SORCS3: variants seen among roughly 807,000 people sequenced by gnomAD.
The protein encoded by SORCS3 is VPS10 domain-containing receptor SorCS3.
Under a neutral mutation model 146.3 loss-of-function variants are expected in SORCS3, and 57 were observed. That is an observed-to-expected ratio of 0.39 (90% confidence interval 0.31 to 0.49). The LOEUF is 0.49. Among genes scored for constraint, SORCS3 ranks in the 20% least tolerant of loss-of-function variants. The pLI is 0.92. For synonymous variants in SORCS3, 653 were observed against 618.5 expected (o/e 1.06, Z -0.83); for missense variants, 1,341 against 1,575.5 (o/e 0.85, Z 2.52).
intron 3 of SORCS3, among the ~76,000 whole-genome samples, chr10:104,977,053 G>A (rs1174635130): frequency 6.6e-6 from 1 of 151,246 alleles, no homozygotes; most frequent in Non-Finnish European, 1.5e-5. Flanking sequence ...AAAACTTGAA[G>A]TATAATAATA....
At chr10:104,887,285 G>A (rs1178996242) in intron 2 of SORCS3, among the ~76,000 whole-genome samples, 1 of 152,242 alleles carries the variant, frequency 6.6e-6, no homozygotes, top group East Asian at 1.9e-4. Flanking sequence ...CTGAAAGGAT[G>A]GATAAGAAAG....
intron 4 of SORCS3, among the ~76,000 whole-genome samples, chr10:104,987,641 T>A (rs1437180532): frequency 6.6e-6 from 1 of 152,176 alleles, no homozygotes; most frequent in African/African-American, 2.4e-5. Context: ...TAGGAATATT[T>A]TTTTTTCTCC....
chr10:104,949,097 C>T (rs930034610), intron 3 of SORCS3, among the ~76,000 whole-genome samples: 2 of 152,030 alleles, frequency 1.3e-5, no homozygotes, highest in African/African-American at 4.8e-5. Context: ...GCAATAACCA[C>T]AATTTTTTTT....
chr10:104,852,883 G>C lies in SORCS3; in HGVS notation c.695+10024G>C, dbSNP rs17117755. Reference sequence around the variant, plus strand: ...TTGGGCAATTAACACTGATCTTAGAGAGTGGTTCCACAAGAGAGTGGTCAT... The same window carrying C: ...TTGGGCAATTAACACTGATCTTAGACAGTGGTTCCACAAGAGAGTGGTCAT... On this transcript the variant is annotated intron_variant, in intron 2 of 26. Coordinates refer to ENST00000369701, the MANE Select transcript of SORCS3 (RefSeq NM_014978.3). 5.9e-3 allele frequency among the ~76,000 whole-genome samples: 905 copies of C among 152,316 alleles called. 4 individuals are homozygous for C. The highest frequency in any genetic ancestry group is 0.017 in the Middle Eastern group (5 of 294).
intron 4 of SORCS3, among the ~76,000 whole-genome samples, chr10:104,981,615 TGAA>T (rs1270068618): frequency 1.3e-5 from 2 of 152,206 alleles, no homozygotes; most frequent in Non-Finnish European, 2.9e-5. Flanking sequence ...AGATAGGTTT[TGAA>T]GACAGTGCAA....
intron 1 of SORCS3, among the ~76,000 whole-genome samples, chr10:104,694,090 C>T (rs1004478990): frequency 2.7e-5 from 4 of 150,664 alleles, no homozygotes; most frequent in Non-Finnish European, 4.4e-5. Flanking sequence ...TAGCAAAGCC[C>T]CTCTCCTGTG....
chr10:104,769,575 C>G (rs2017223232), intron 1 of SORCS3, among the ~76,000 whole-genome samples: 1 of 152,132 alleles, frequency 6.6e-6, no homozygotes, highest in Non-Finnish European at 1.5e-5. Context: ...TACCTGCATC[C>G]TGTTCTGGTA....
intron 6 of SORCS3, among the ~76,000 whole-genome samples, chr10:105,097,929 T>C (rs2055757982): frequency 6.6e-6 from 1 of 152,202 alleles, no homozygotes; most frequent in African/African-American, 2.4e-5. Flanking sequence ...CCATAGAACA[T>C]ATGCCACCGT....
At chr10:104,692,842 CTG>C (rs1476836591) in intron 1 of SORCS3, among the ~76,000 whole-genome samples, 1 of 152,212 alleles carries the variant, frequency 6.6e-6, no homozygotes, top group Non-Finnish European at 1.5e-5. Flanking sequence ...TGAGAAAACT[CTG>C]TATCTCTGGG....
intron 16 of SORCS3, among the ~76,000 whole-genome samples, chr10:105,205,534 A>G (rs2056597574): frequency 6.6e-6 from 1 of 152,132 alleles, no homozygotes; most frequent in Non-Finnish European, 1.5e-5. Flanking sequence ...TTGAGAGTAA[A>G]GGTTGTTAGA....
At chr10:105,223,067 T>A in intron 19 of SORCS3, 49 bp from the exon 20 acceptor site, 6 of 1,548,322 alleles carry the variant, frequency 3.9e-6, no homozygotes, top group Non-Finnish European at 5.3e-6. Context: ...TGATACAGTT[T>A]GACCACATCC....
intron 11 of SORCS3, among the ~76,000 whole-genome samples, chr10:105,162,648 A>T (rs529215231): frequency 6.6e-6 from 1 of 152,266 alleles, no homozygotes; most frequent in South Asian, 2.1e-4. Flanking sequence ...ATTTCCACAA[A>T]TAGAGTTCAC....
intron 21 of SORCS3, among the ~76,000 whole-genome samples, chr10:105,246,926 C>T (rs111434402): frequency 9.8e-4 from 150 of 152,326 alleles, no homozygotes; most frequent in African/African-American, 3.0e-3. Flanking sequence ...CAGTAGCAGA[C>T]GTCTCCTTCT....
At chr10:105,248,168 A>G (rs545898359) in intron 22 of SORCS3, among the ~76,000 whole-genome samples, 8 of 152,342 alleles carry the variant, frequency 5.3e-5, no homozygotes, top group African/African-American at 1.9e-4. Flanking sequence ...ACTAGAATAT[A>G]TTGATGAATA....
chr10:105,031,318 CACACACACACACAA>C (rs1486044577), intron 4 of SORCS3, among the ~76,000 whole-genome samples: 28 of 104,836 alleles, frequency 2.7e-4, no homozygotes, highest in African/African-American at 7.2e-4. Context: ...AAACAAACAA[CACACACACACACAA>C]ACACACACAC....
At chr10:104,944,789 G>A (rs531835837) in intron 3 of SORCS3, among the ~76,000 whole-genome samples, 1 of 152,298 alleles carries the variant, frequency 6.6e-6, no homozygotes, top group Admixed American at 6.5e-5. Context: ...AAAACCGGCA[G>A]TGTCTCCTAA....
intron 7 of SORCS3, among the ~76,000 whole-genome samples, chr10:105,131,486 C>T (rs2056018093): frequency 1.3e-5 from 2 of 152,284 alleles, no homozygotes; most frequent in South Asian, 4.1e-4. Flanking sequence ...ATTCCCATAG[C>T]AACACCAAGC....
intron 1 of SORCS3, among the ~76,000 whole-genome samples, chr10:104,716,609 C>A (rs2016482757): frequency 6.6e-6 from 1 of 152,098 alleles, no homozygotes; most frequent in East Asian, 1.9e-4. Context: ...AAGAATTGAA[C>A]TTAAAAGAAA....
chr10:105,175,129 C>G (rs1260892826), intron 13 of SORCS3, among the ~76,000 whole-genome samples: 1 of 152,116 alleles, frequency 6.6e-6, no homozygotes, highest in Non-Finnish European at 1.5e-5. Flanking sequence ...CTCGCTGCAA[C>G]CTCTGCCTCC....
Sources: gnomAD v4.1 joint callset for allele counts (sites outside exome capture counted in the v4.1 genomes callset) on GRCh38, gnomAD v4.1.1 for gene constraint, MANE v1.5 for transcripts, NCBI Gene and HGNC (gene_info 2026-07-23, HGNC 2026-07-21) for gene names.